The following CASZ1 variants were observed in gnomAD, a reference collection of about 807,000 sequenced individuals.
The protein encoded by CASZ1 is zinc finger protein castor homolog 1.
Under a neutral mutation model 135.2 loss-of-function variants are expected in CASZ1, and 28 were observed. The ratio of observed to expected loss-of-function variants is 0.21; its 90% CI spans 0.15 to 0.28. The LOEUF is 0.28. CASZ1 is among the 10% of genes least tolerant of loss of function. CASZ1 has a pLI of 1.00. For missense variants in CASZ1, 2,161 were observed against 2,453.3 expected (o/e 0.88, Z 2.52); for synonymous variants, 1,068 against 1,073.4 (o/e 0.99, Z 0.10).
intron 20 of CASZ1, among the ~76,000 whole-genome samples, chr1:10,641,192 G>A (rs1477752504): frequency 1.3e-5 from 2 of 152,278 alleles, no homozygotes; most frequent in African/African-American, 2.4e-5. Context: ...CTGTGACGGT[G>A]TAGGGGCACC....
intron 2 of CASZ1, among the ~76,000 whole-genome samples, chr1:10,743,376 C>T (rs553021098): frequency 6.7e-6 from 1 of 150,022 alleles, no homozygotes; most frequent in Non-Finnish European, 1.5e-5. Flanking sequence ...AGTACCCCCA[C>T]TCAGACCCAT....
chr1:10,653,498 G>T lies in CASZ1; in HGVS notation c.2559C>A (p.Ala853=). 1 of 1,611,626 alleles carries T rather than the reference G, an allele frequency of 6.2e-7. No homozygotes were observed. The highest frequency in any genetic ancestry group is 8.5e-7 in the Non-Finnish European group (1 of 1,178,968). The stretch of plus-strand genomic sequence containing the variant: ...TGGAGGCGGGTGGTGCCGGGACAGA[G>T]GCGGCAGCCACGGGGGCTGAGTCTC... The part of the protein sequence containing the change: ...GAGDSAPVAA[A]SVPAPPASIM... Residue 853 remains alanine (A), a synonymous_variant, in exon 11 of 21, where the codon GCC becomes GCA. Transcript: ENST00000377022.
intron 2 of CASZ1, among the ~76,000 whole-genome samples, chr1:10,745,397 C>CG (rs35574890): frequency 0.41 from 62,150 of 151,846 alleles, 14,806 homozygotes; most frequent in African/African-American, 0.67. Context: ...ACCAGGGACA[C>CG]GAACACAGAC....
In CASZ1 at chr1:10,794,665, C is replaced by T. The variant is rs901004650; in HGVS notation, c.-234+1899G>A. ...GGGTCCCCTGCCTCCCTCAGCGCTCCACTAGCCTCCCCCAACTCCGGACCC... is the reference window on the plus strand; with the variant it reads ...GGGTCCCCTGCCTCCCTCAGCGCTCTACTAGCCTCCCCCAACTCCGGACCC... On this transcript the variant is annotated intron_variant, in intron 1 of 20. Coordinates refer to ENST00000377022, the MANE Select transcript of CASZ1 (RefSeq NM_001079843.3). The surrounding 1 kb of genome is among the most constrained non-coding windows in gnomAD (Gnocchi z 5.6). Among the ~76,000 whole-genome samples, 4 of 152,234 alleles carry T rather than the reference C, an allele frequency of 2.6e-5. No individual in the cohort carries two copies. The highest frequency in any genetic ancestry group is 9.6e-5 in the African/African-American group (4 of 41,462).
rs1642369515 is a variant in CASZ1 at position 10,646,575 on chromosome 1, T to C, written c.3498-249A>G. Among the ~76,000 whole-genome samples the C allele has an allele frequency of 6.6e-6, 1 of 152,202 alleles. No individual in the cohort carries two copies. The highest frequency in any genetic ancestry group is 6.5e-5 in the Admixed American group (1 of 15,282). On this transcript the variant is annotated intron_variant, in intron 16 of 20. Transcript: ENST00000377022. This position sits in a 1 kb window ranked among gnomAD's most constrained non-coding sequence, Gnocchi z 6.4. ...TGCAATATGCAGGGTGCCCAGAGCA[T>C]TGCATGCTGGGACAAGTAGTTTCCA...
At chr1:10,715,742 GCTCCCCACAGCACCCAATCCA>G (rs1639372105) in intron 2 of CASZ1, among the ~76,000 whole-genome samples, 3 of 75,302 alleles carry the variant, frequency 4.0e-5, no homozygotes, top group East Asian at 8.4e-4. Flanking sequence ...CACCCAATCC[GCTCCCCACAGCACCCAATCCA>G]CACCCCACAG....
At chr1:10,664,996 T>G in intron 5 of CASZ1, 87 bp downstream of exon 5, 3 of 1,357,348 alleles carry the variant, frequency 2.2e-6, no homozygotes, top group Non-Finnish European at 1.9e-6. Flanking sequence ...GAGTGAGGAG[T>G]CGGGTGTGCT....
Position 10,711,036 on chromosome 1 carries a change from C to T in CASZ1, c.-76-5492G>A, listed in dbSNP as rs1328452610. On this transcript the variant is annotated intron_variant, in intron 2 of 20. Coordinates refer to ENST00000377022, the MANE Select transcript of CASZ1 (RefSeq NM_001079843.3). This position sits in a 1 kb window ranked among gnomAD's most constrained non-coding sequence, Gnocchi z 4.4. ...ATCCCAGCTACTCGGGAGGCTGAGG[C>T]GTGAGAATCATTTGAACCCGGGAGG... Among the ~76,000 whole-genome samples the T allele has an allele frequency of 1.1e-4, 16 of 152,224 alleles. No homozygotes were observed. The highest frequency in any genetic ancestry group is 5.9e-5 in the Non-Finnish European group (4 of 68,018).
intron 2 of CASZ1, among the ~76,000 whole-genome samples, chr1:10,714,714 ATCCAGGGCAGACTC>A (rs1255689912): frequency 1.3e-5 from 2 of 152,232 alleles, no homozygotes; most frequent in Admixed American, 1.3e-4. Flanking sequence ...AGTTTCAGAA[ATCCAGGGCAGACTC>A]TCTAATCAGG....
At chr1:10,713,962 T>C (rs780798849) in intron 2 of CASZ1, among the ~76,000 whole-genome samples, 9 of 152,324 alleles carry the variant, frequency 5.9e-5, no homozygotes, top group Non-Finnish European at 1.0e-4. Context: ...GAAAATTCAG[T>C]GGGTCCAGAG....
At chr1:10,644,198 C>T (rs570068391) in intron 18 of CASZ1, among the ~76,000 whole-genome samples, 1 of 152,302 alleles carries the variant, frequency 6.6e-6, no homozygotes, top group East Asian at 1.9e-4. Context: ...TCCCGCCTGC[C>T]CGTGGGTTCT....
chr1:10,755,310 C>A lies in CASZ1; in HGVS notation c.-77+5391G>T, dbSNP rs774060391. 6.6e-6 allele frequency among the ~76,000 whole-genome samples: 1 copy of A among 152,170 alleles called. No homozygotes were observed. Among genetic ancestry groups the A allele is most frequent in the Non-Finnish European group, 1.5e-5 (1 of 68,030 alleles). Reference sequence around the variant, plus strand: ...CTGGCAGGAGACCGGAGAGGAGGAGCTTGAAGGTCTACACGAGGAGATGAT... The same window carrying A: ...CTGGCAGGAGACCGGAGAGGAGGAGATTGAAGGTCTACACGAGGAGATGAT... On this transcript the variant is annotated intron_variant, in intron 2 of 20. Transcript: ENST00000377022. This position sits in a 1 kb window ranked among gnomAD's most constrained non-coding sequence, Gnocchi z 4.3.
intron 5 of CASZ1, among the ~76,000 whole-genome samples, chr1:10,662,662 C>G (rs1643088596): frequency 6.6e-6 from 1 of 152,098 alleles, no homozygotes; most frequent in Non-Finnish European, 1.5e-5. Context: ...CACCCCCACA[C>G]AGTCACATGC....
chr1:10,671,448 CAT>C (rs1643395419), intron 4 of CASZ1, among the ~76,000 whole-genome samples: 1 of 152,226 alleles, frequency 6.6e-6, no homozygotes, highest in Non-Finnish European at 1.5e-5. Context: ...CTCCTGCAGC[CAT>C]GAGGGGAGAC....
chr1:10,658,448 G>A, intron 7 of CASZ1, 60 bp downstream of exon 7: 2 of 1,406,174 alleles, frequency 1.4e-6, no homozygotes, highest in Non-Finnish European at 2.0e-6. Flanking sequence ...GCCTCAGAGT[G>A]CCCGGTCAGT....
At chr1:10,773,338 C>T (rs527308619) in intron 1 of CASZ1, among the ~76,000 whole-genome samples, 11 of 142,826 alleles carry the variant, frequency 7.7e-5, no homozygotes, top group East Asian at 7.1e-4. Context: ...TCAGGTGTGC[C>T]GGCTACGGGC....
intron 4 of CASZ1, among the ~76,000 whole-genome samples, chr1:10,672,306 G>T (rs1038311330): frequency 2.7e-5 from 4 of 149,362 alleles, no homozygotes; most frequent in African/African-American, 7.4e-5. Context: ...CCGCGCCCGG[G>T]CCTCTCAGGA....
intron 2 of CASZ1, among the ~76,000 whole-genome samples, chr1:10,737,298 G>A (rs899811589): frequency 2.6e-5 from 4 of 152,152 alleles, no homozygotes; most frequent in Non-Finnish European, 4.4e-5. Flanking sequence ...AACCCTGGGC[G>A]TCCCCCTCAC....
intron 7 of CASZ1, 57 bp downstream of exon 7, chr1:10,658,451 C>G (rs763757444): frequency 4.2e-6 from 6 of 1,442,936 alleles, no homozygotes; most frequent in Admixed American, 1.7e-5. Context: ...TCAGAGTGCC[C>G]GGTCAGTCCT....
Sources: allele counts gnomAD v4.1 joint callset (sites outside exome capture counted in the v4.1 genomes callset), GRCh38; gene constraint gnomAD v4.1.1; non-coding constraint Gnocchi (gnomAD v3.1); transcripts MANE v1.5; gene names NCBI Gene and HGNC (gene_info 2026-07-23, HGNC 2026-07-21).